Variants in VMP1 observed in about 807,000 individuals in gnomAD.
VMP1 encodes the protein vacuole membrane protein 1.
VMP1 carries 11 observed loss-of-function variants against 56.0 expected under a neutral mutation model. The observed-to-expected ratio is 0.20, with a 90% CI of 0.12 to 0.32. VMP1 has a LOEUF of 0.32. Among genes scored for constraint, VMP1 ranks in the 10% least tolerant of loss-of-function variants. The pLI is 1.00. For missense variants in VMP1, 296 were observed against 490.3 expected (o/e 0.60, Z 3.74); for synonymous variants, 149 against 165.0 (o/e 0.90, Z 0.74).
rs1280244634 is a variant in VMP1, at chr17:59,721,674, CAGA to C, written c.-26-9743_-26-9741del. The stretch of plus-strand genomic sequence containing the variant: ...TGAGACAGGAGGAGCACTTGGTACC[CAGA>C]AGATCACTCTGGGTAACATAGTGAG... On this transcript the variant is annotated intron_variant, in intron 1 of 11. Coordinates refer to ENST00000262291, the MANE Select transcript of VMP1 (RefSeq NM_030938.5). Among the ~76,000 whole-genome samples the C allele has an allele frequency of 2.6e-5, 4 of 152,116 alleles. No homozygotes were observed. In the East Asian group the frequency reaches 7.7e-4, roughly 29 times the overall value.
At chr17:59,737,567 T>C in intron 4 of VMP1, 24 bp downstream of exon 4, 2 of 1,582,336 alleles carry the variant, frequency 1.3e-6, no homozygotes, top group African/African-American at 2.7e-5. Flanking sequence ...CAATTCTGTT[T>C]CTAGTCTTGC....
At chr17:59,805,289 A>G (rs2037807561) in intron 7 of VMP1, among the ~76,000 whole-genome samples, 1 of 152,184 alleles carries the variant, frequency 6.6e-6, no homozygotes, top group East Asian at 1.9e-4. Flanking sequence ...TTAAGCAAAG[A>G]TACTCTTCCC....
At chr17:59,766,196 T>TA (rs58543761) in intron 6 of VMP1, among the ~76,000 whole-genome samples, 240 of 152,170 alleles carry the variant, frequency 1.6e-3, no homozygotes, top group African/African-American at 5.6e-3. Context: ...CCGTATGTCT[T>TA]ACTTTTAGAT....
chr17:59,738,353 A>G (rs1417626700), intron 4 of VMP1, among the ~76,000 whole-genome samples: 2 of 152,200 alleles, frequency 1.3e-5, no homozygotes, highest in Non-Finnish European at 2.9e-5. Flanking sequence ...TGGTTCTAGA[A>G]TGGTATTTTA....
intron 5 of VMP1, among the ~76,000 whole-genome samples, chr17:59,742,674 C>A (rs2035271316): frequency 6.6e-6 from 1 of 152,024 alleles, no homozygotes; most frequent in African/African-American, 2.4e-5. Flanking sequence ...GGTCCCTGGC[C>A]TGTTAGGAAC....
At chr17:59,711,297 A>G (rs1279789497) in intron 1 of VMP1, among the ~76,000 whole-genome samples, 1 of 151,256 alleles carries the variant, frequency 6.6e-6, no homozygotes, top group Non-Finnish European at 1.5e-5. Context: ...TTTTGGTTCC[A>G]TTGATTTAAC....
intron 6 of VMP1, among the ~76,000 whole-genome samples, chr17:59,766,561 T>C (rs2036238089): frequency 6.6e-6 from 1 of 152,178 alleles, no homozygotes; most frequent in South Asian, 2.1e-4. Context: ...TGAGTTATTA[T>C]AATGCTAACT....
intron 1 of VMP1, among the ~76,000 whole-genome samples, chr17:59,713,240 G>A (rs974586634): frequency 4.9e-4 from 74 of 151,658 alleles, no homozygotes; most frequent in African/African-American, 1.6e-3. Context: ...ATCACACACC[G>A]GGGCCTGTTG....
chr17:59,832,509 A>C (rs780015006), intron 10 of VMP1, among the ~76,000 whole-genome samples: 14 of 152,048 alleles, frequency 9.2e-5, no homozygotes, highest in Non-Finnish European at 1.9e-4. Context: ...TGACTGAAAA[A>C]ATAGTTCTAT....
At chr17:59,824,002 G>A (rs1470554014) in intron 10 of VMP1, among the ~76,000 whole-genome samples, 1 of 152,078 alleles carries the variant, frequency 6.6e-6, no homozygotes, top group Non-Finnish European at 1.5e-5. Flanking sequence ...AGAGGCTCAC[G>A]CCTGTAATCC....
At chr17:59,835,567 T>G (rs2038955546) in intron 10 of VMP1, among the ~76,000 whole-genome samples, 1 of 151,038 alleles carries the variant, frequency 6.6e-6, no homozygotes, top group Non-Finnish European at 1.5e-5. Context: ...CTCGGCTCAC[T>G]GCAACCTCTG....
intron 10 of VMP1, among the ~76,000 whole-genome samples, chr17:59,822,421 C>T (rs967996033): frequency 1.3e-5 from 2 of 150,902 alleles, no homozygotes; most frequent in East Asian, 2.0e-4. Context: ...CTCCGCCTCC[C>T]GGGTTCAAGC....
chr17:59,726,291 G>GTTTTTTTTTTTTTTTTTTTTTTTT, intron 1 of VMP1, among the ~76,000 whole-genome samples: 1 of 145,058 alleles, frequency 6.9e-6, no homozygotes, highest in Non-Finnish European at 1.5e-5. Context: ...AGTTTTTTTT[G>GTTTTTTTTTTTTTTTTTTTTTTTT]TTTTTTTTTT....
intron 3 of VMP1, among the ~76,000 whole-genome samples, chr17:59,737,112 G>A (rs2035045481): frequency 6.6e-6 from 1 of 152,202 alleles, no homozygotes; most frequent in Non-Finnish European, 1.5e-5. Context: ...CTGGCTGAAA[G>A]TGCAACATGA....
chr17:59,767,135 T>A (rs1165106684), intron 6 of VMP1, among the ~76,000 whole-genome samples: 1 of 152,102 alleles, frequency 6.6e-6, no homozygotes, highest in African/African-American at 2.4e-5. Context: ...TTTTTTTTTT[T>A]TAACTCATTG....
At chr17:59,825,668 A>G (rs977300914) in intron 10 of VMP1, among the ~76,000 whole-genome samples, 3 of 152,184 alleles carry the variant, frequency 2.0e-5, no homozygotes, top group Non-Finnish European at 4.4e-5. Context: ...AAGTTTCCAT[A>G]ACTCAATCAT....
intron 7 of VMP1, among the ~76,000 whole-genome samples, chr17:59,794,995 C>CTTTTTTTTTTTTTTTTTTTTTTTTT (rs59397471): frequency 8.2e-6 from 1 of 121,220 alleles, no homozygotes. Context: ...CAGATTTGAT[C>CTTTTTTTTTTTTTTTTTTTTTTTTT]TTTTTTTTTT....
intron 8 of VMP1, 83 bp downstream of exon 8, chr17:59,808,959 G>A (rs2037943738): frequency 9.0e-7 from 1 of 1,106,024 alleles, no homozygotes; most frequent in South Asian, 1.5e-5. Context: ...ATTAACAAAA[G>A]TGCTATCACT....
intron 8 of VMP1, among the ~76,000 whole-genome samples, chr17:59,810,344 A>G (rs1335042937): frequency 2.6e-5 from 4 of 151,942 alleles, no homozygotes; most frequent in African/African-American, 7.2e-5. Flanking sequence ...AGTAGAGACA[A>G]GGTTTCACCA....
Sources: allele counts gnomAD v4.1 joint callset (sites outside exome capture counted in the v4.1 genomes callset), GRCh38; gene constraint gnomAD v4.1.1; transcripts MANE v1.5; gene names NCBI Gene and HGNC (gene_info 2026-07-23, HGNC 2026-07-21).